The following ASAH1 variants were observed in gnomAD, a reference collection of about 807,000 sequenced individuals.
ASAH1 encodes the protein acid ceramidase.
Under a neutral mutation model 59.5 loss-of-function variants are expected in ASAH1, and 70 were observed. The observed-to-expected ratio is 1.18, with a 90% confidence interval of 0.97 to 1.43. The LOEUF (loss-of-function observed/expected upper bound fraction) is 1.43. ASAH1 is among the 40% of genes most tolerant of loss of function. ASAH1 has a pLI of 0.00. For missense variants in ASAH1, 660 were observed against 482.5 expected (o/e 1.37, Z -3.45); for synonymous variants, 213 against 166.5 (o/e 1.28, Z -2.15).
At chr8:18,084,824 A>T (rs1217745792), upstream of ASAH1, 1 of 1,611,638 alleles carries the variant, frequency 6.2e-7, no homozygotes, top group Admixed American at 1.7e-5. Context: ...TTTCCTCCTA[A>T]CTGGCGAAGG....
upstream of ASAH1, chr8:18,084,667 G>A (rs1299924622): frequency 1.2e-6 from 2 of 1,613,250 alleles, no homozygotes; most frequent in Non-Finnish European, 1.7e-6. Flanking sequence ...CAAGCTGTTG[G>A]TTACCCACTT....
intron 2 of ASAH1, among the ~76,000 whole-genome samples, chr8:18,074,762 C>A (rs745916255): frequency 7.0e-4 from 107 of 152,150 alleles, no homozygotes; most frequent in Non-Finnish European, 1.3e-3. Context: ...TGACATTGGT[C>A]CTCCTCTTAG....
chr8:18,061,753 C>A lies in ASAH1; in HGVS notation c.649-13G>T. The stretch of plus-strand genomic sequence containing the variant: ...GACTGAACAGTCCCTGAGAAAAAGA[C>A]AAAGCAACGAAGTCAGAAACATCAA... On this transcript the variant is annotated splice_polypyrimidine_tract_variant and intron_variant, in intron 8 of 13. Transcript: ENST00000637790. 6.4e-7 allele frequency: 1 copy of A among 1,563,686 alleles called. No individual in the cohort carries two copies. The highest frequency in any genetic ancestry group is 2.4e-5 in the East Asian group (1 of 41,928).
intron 5 of ASAH1, 30 bp from the exon 6 acceptor site, chr8:18,064,561 T>C (rs769803714): frequency 4.0e-6 from 5 of 1,255,920 alleles, no homozygotes; most frequent in East Asian, 4.9e-5. Flanking sequence ...TGTGTTAATA[T>C]ACAGAACCAT....
intron 1 of ASAH1, chr8:18,075,883 T>C (rs2117079524): frequency 2.3e-6 from 1 of 436,804 alleles, no homozygotes; most frequent in African/African-American, 2.0e-5. Flanking sequence ...TGGAAAATAT[T>C]TATGTTAGAG....
intron 10 of ASAH1, chr8:18,061,102 G>A (rs139162724): frequency 7.1e-5 from 24 of 337,000 alleles, no homozygotes; most frequent in African/African-American, 4.7e-4. Context: ...TCTTTTGTGT[G>A]TGGGTCATTT....
rs757058563 is a variant in ASAH1, at chr8:18,058,857, G to A, written c.1076C>T (p.Ser359Leu). 6.2e-7 allele frequency: 1 copy of A among 1,612,564 alleles called. No individual in the cohort carries two copies. The highest frequency in any genetic ancestry group is 8.5e-7 in the Non-Finnish European group (1 of 1,178,586). ...TACCTTGTTGAGGACAGGTTTTGTT[G>A]ACAGGACATCATACATGGTTTCAAA... ...ISFETMYDVL[S>L]TKPVLNKLTV... The change falls in exon 13 of 14, where the codon TCA (serine) becomes TTA (leucine). Residue 359 changes from serine (S) to leucine (L), a missense_variant. By Grantham distance (145) the Ser-to-Leu change is moderately radical. Transcript: ENST00000637790.
At chr8:18,067,094 G>GACATGTGC in intron 5 of ASAH1, 126 bp downstream of exon 5, 4 of 119,544 alleles carry the variant, frequency 3.3e-5, no homozygotes, top group South Asian at 8.7e-5. Context: ...GTATATCTAA[G>GACATGTGC]ACCTGTGCAC....
intron 3 of ASAH1, among the ~76,000 whole-genome samples, chr8:18,070,984 G>C (rs1339483868): frequency 1.3e-5 from 2 of 152,132 alleles, no homozygotes; most frequent in Non-Finnish European, 2.9e-5. Context: ...GAGGTGGGAG[G>C]ATCACTCGAG....
intron 2 of ASAH1, among the ~76,000 whole-genome samples, chr8:18,073,841 G>A (rs182535376): frequency 1.3e-5 from 2 of 152,274 alleles, no homozygotes; most frequent in Non-Finnish European, 2.9e-5. Flanking sequence ...GCAAAGCCGA[G>A]GCTTTTTGTG....
intron 2 of ASAH1, among the ~76,000 whole-genome samples, chr8:18,073,879 G>C (rs578206298): frequency 6.6e-6 from 1 of 152,146 alleles, no homozygotes; most frequent in Non-Finnish European, 1.5e-5. Context: ...GAGATAAAAA[G>C]AAAGCTAGCG....
intron 1 of ASAH1, among the ~76,000 whole-genome samples, chr8:18,079,197 C>T (rs982093439): frequency 6.8e-6 from 1 of 147,158 alleles, no homozygotes; most frequent in Admixed American, 6.9e-5. Context: ...TGCCTGAAGC[C>T]GGGAGGTGGA....
intron 4 of ASAH1, chr8:18,068,754 C>T (rs373266618): frequency 5.9e-5 from 9 of 152,380 alleles, no homozygotes; most frequent in African/African-American, 2.2e-4. Context: ...TCCTGCAATG[C>T]ACATGACAGC....
In ASAH1 at chr8:18,071,450, G is replaced by C. The variant is rs1800174300; in HGVS notation, c.126-60C>G. The stretch of plus-strand genomic sequence containing the variant: ...AAGGGTTTTTTGTGAGGGTCAGTTA[G>C]ATACATCTATAAGAATATATGAGAG... On this transcript the variant is annotated intron_variant, in intron 2 of 13. Coordinates refer to ENST00000637790, the MANE Select transcript of ASAH1 (RefSeq NM_177924.5). 3.6e-6 allele frequency: 4 copies of C among 1,096,890 alleles called. No individual in the cohort carries two copies. The Admixed American group carries it at 7.9e-5, about 22-fold the overall frequency. 67.9% of individuals were successfully genotyped at this position (1,096,890 alleles called of 1,614,324 possible). A position where few individuals can be genotyped will look rare whatever the true frequency, so the allele number is the denominator to read the frequency against.
rs140290649 is a variant in ASAH1, at chr8:18,059,960, G to T, written c.786-257C>A. ...CCCACCCCCTGACAGGCCCTGGTGC[G>T]TGATGTTCCCCTCCCTGTGTTCACG... On this transcript the variant is annotated intron_variant, in intron 10 of 13. Coordinates refer to ENST00000637790, the MANE Select transcript of ASAH1 (RefSeq NM_177924.5). 7.3e-3 allele frequency: 2,867 copies of T among 393,698 alleles called. 16 individuals carry two copies. The highest frequency in any genetic ancestry group is 0.01 in the Non-Finnish European group (2,114 of 210,530). The allele number at this position is 393,698 out of a possible 1,614,324, so 24.4% of individuals were successfully genotyped here.
chr8:18,082,384 G>C (rs2117101428), intron 1 of ASAH1: 1 of 152,266 alleles, frequency 6.6e-6, no homozygotes, highest in African/African-American at 2.4e-5. Context: ...GACACTCACA[G>C]CCAGGTAAGC....
chr8:18,075,520 G>C (rs976055541), intron 2 of ASAH1, 21 bp downstream of exon 2: 1 of 1,613,430 alleles, frequency 6.2e-7, no homozygotes, highest in Non-Finnish European at 8.5e-7. Flanking sequence ...AGGGAGTTTT[G>C]ATCATCTGAT....
intron 1 of ASAH1, among the ~76,000 whole-genome samples, chr8:18,079,970 G>C (rs1359510016): frequency 1.3e-5 from 2 of 152,214 alleles, no homozygotes; most frequent in Non-Finnish European, 2.9e-5. Context: ...CCCTCCATGA[G>C]AGGAAGGACC....
intron 2 of ASAH1, among the ~76,000 whole-genome samples, chr8:18,073,940 G>A (rs542025838): frequency 3.9e-5 from 6 of 152,300 alleles, no homozygotes; most frequent in East Asian, 1.9e-4. Context: ...ATGTATACAC[G>A]TGTATGTGTT....
Sources: allele counts gnomAD v4.1 joint callset (sites outside exome capture counted in the v4.1 genomes callset), GRCh38; gene constraint gnomAD v4.1.1; transcripts MANE v1.5; gene names NCBI Gene and HGNC (gene_info 2026-07-23, HGNC 2026-07-21).